TMEM181: variants seen among roughly 807,000 people sequenced by gnomAD.
The protein encoded by TMEM181 is G protein-coupled receptor 178.
In TMEM181, 39 loss-of-function variants were observed where a neutral mutation model predicts 71.9. That is an observed-to-expected ratio of 0.54 (90% CI 0.42 to 0.71). The LOEUF (loss-of-function observed/expected upper bound fraction) is 0.71, where lower values mean the gene tolerates loss of function less well. Among genes scored for constraint, TMEM181 ranks in the 30% least tolerant of loss-of-function variants. The pLI is 0.00. For missense variants in TMEM181, 595 were observed against 583.0 expected, an observed-to-expected ratio of 1.02 and a Z score of -0.21; for synonymous variants, 245 against 228.8, an observed-to-expected ratio of 1.07 and a Z score of -0.64.
chr6:158,539,076 T>C (rs1232549658), intron 1 of TMEM181, among the ~76,000 whole-genome samples: 1 of 152,218 alleles, frequency 6.6e-6, no homozygotes, highest in Non-Finnish European at 1.5e-5. Context: ...TGGCTGCCTG[T>C]ACTACAGCAA....
chr6:158,543,931 G>A (rs1048856159), intron 1 of TMEM181, among the ~76,000 whole-genome samples: 4 of 152,176 alleles, frequency 2.6e-5, no homozygotes, highest in African/African-American at 9.7e-5. Context: ...CGTAGCAGCC[G>A]AATGCTTGAT....
intron 1 of TMEM181, among the ~76,000 whole-genome samples, chr6:158,544,555 G>A (rs1781463546): frequency 1.3e-5 from 2 of 152,160 alleles, no homozygotes; most frequent in Non-Finnish European, 2.9e-5. Flanking sequence ...AGAAAGGGAC[G>A]GGGCGCTCAT....
At chr6:158,564,234 C>G (rs894121) in intron 1 of TMEM181, among the ~76,000 whole-genome samples, 92,084 of 152,136 alleles carry the variant, frequency 0.61, 28,563 homozygotes, top group East Asian at 0.76. Flanking sequence ...AGGGGCCAAA[C>G]AGTGAATGTG....
At chr6:158,561,252 C>T (rs1230108355) in intron 1 of TMEM181, among the ~76,000 whole-genome samples, 1 of 152,232 alleles carries the variant, frequency 6.6e-6, no homozygotes, top group African/African-American at 2.4e-5. Flanking sequence ...ATCTGTTTTT[C>T]CTTCTGCTTC....
chr6:158,613,919 T>A (rs141348603), intron 10 of TMEM181, among the ~76,000 whole-genome samples: 518 of 152,324 alleles, frequency 3.4e-3, no homozygotes, highest in African/African-American at 0.012. Flanking sequence ...ATTGGCAGTG[T>A]CCTGTTCGGA....
At position 158,550,344 on chromosome 6, in the gene TMEM181, C is replaced by T. The variant is rs1016080103; in HGVS notation, c.131+13479C>T. 4.0e-5 allele frequency among the ~76,000 whole-genome samples: 6 copies of T among 151,708 alleles called. No homozygotes were observed. The South Asian group carries it at 6.3e-4, about 16-fold the overall frequency. The stretch of plus-strand genomic sequence containing the variant: ...ACAGGCGTGAGCCACCACGCCCGGC[C>T]GAGACTTGTTTCTTAAAATGTATCT... On this transcript the variant is annotated intron_variant, in intron 1 of 16. Transcript: ENST00000367090.
chr6:158,614,699 A>G (rs190584540), intron 10 of TMEM181, among the ~76,000 whole-genome samples: 1 of 151,864 alleles, frequency 6.6e-6, no homozygotes, highest in African/African-American at 2.4e-5. Flanking sequence ...AAGTGTTCTC[A>G]TTGTTCATTT....
chr6:158,605,152 G>GTA (rs1443770260), intron 6 of TMEM181, 115 bp from the exon 7 acceptor site: 105 of 554,404 alleles, frequency 1.9e-4, no homozygotes, highest in Admixed American at 1.4e-4. Context: ...GTGTGTGTGT[G>GTA]TGTGTGTATG....
chr6:158,561,756 G>T (rs898835328), intron 1 of TMEM181, among the ~76,000 whole-genome samples: 1 of 152,220 alleles, frequency 6.6e-6, no homozygotes, highest in Admixed American at 6.5e-5. Context: ...TCCCCCTGCA[G>T]CTGTAAGCGC....
intron 14 of TMEM181, 48 bp from the exon 15 acceptor site, chr6:158,629,682 T>C (rs752633492): frequency 6.7e-7 from 1 of 1,484,742 alleles, no homozygotes. Context: ...AGGCAGAGCC[T>C]CTGACTGATG....
chr6:158,543,309 G>A lies in TMEM181; in HGVS notation c.131+6444G>A, dbSNP rs149296593. Among the ~76,000 whole-genome samples the A allele has an allele frequency of 2.3e-3, 344 of 152,350 alleles. 1 individual carries two copies. The highest frequency in any genetic ancestry group is 3.5e-3 in the Admixed American group (54 of 15,304). ...GTCATCATCCGGCTGGAAGGATGAC[G>A]CAGTTCTGGCAACTGAAAGACCATC... is the stretch of plus-strand genomic sequence containing the variant. On this transcript the variant is annotated intron_variant, in intron 1 of 16. Transcript: ENST00000367090.
chr6:158,624,447 C>T (rs1786153822), intron 11 of TMEM181, among the ~76,000 whole-genome samples: 1 of 152,230 alleles, frequency 6.6e-6, no homozygotes, highest in East Asian at 1.9e-4. Flanking sequence ...ATGGCGTGGG[C>T]CGGAGCCATC....
chr6:158,573,551 C>T (rs1782995525), intron 2 of TMEM181, 28 bp downstream of exon 2: 10 of 1,563,392 alleles, frequency 6.4e-6, no homozygotes, highest in Non-Finnish European at 8.7e-6. Flanking sequence ...CTCATTGAAT[C>T]TTTTGCCATG....
In TMEM181 at chr6:158,619,885, AAAAAGG is replaced by A. The variant is rs1402759593; in HGVS notation, c.897-3663_897-3658del. Among the ~76,000 whole-genome samples the A allele has an allele frequency of 4.2e-3, 438 of 104,860 alleles. 3 individuals carry two copies. The highest frequency in any genetic ancestry group is 0.016 in the African/African-American group (411 of 25,554). 68.8% of individuals were successfully genotyped at this position (104,860 alleles called of 152,430 possible). A position where few individuals can be genotyped will look rare whatever the true frequency, so the allele number is the denominator to read the frequency against. Reference sequence around the variant, plus strand: ...TCCGTCTCAAAAAAAAAAAAAAAAAAAAAAGGAGGATGTCATGAGGGGTGCAAGGTT... The same window carrying A: ...TCCGTCTCAAAAAAAAAAAAAAAAAAAGGATGTCATGAGGGGTGCAAGGTT... On this transcript the variant is annotated intron_variant, in intron 10 of 16. Transcript: ENST00000684151.
chr6:158,540,127 A>T (rs1781286652), intron 1 of TMEM181, among the ~76,000 whole-genome samples: 1 of 152,210 alleles, frequency 6.6e-6, no homozygotes, highest in African/African-American at 2.4e-5. Context: ...ATTCATATTC[A>T]TGGGGGAAGC....
At position 158,569,263 on chromosome 6, in the gene TMEM181, A is replaced by C. The variant is rs540483045; in HGVS notation, c.9-4157A>C. ...CCCATGATAGCCCTGCAGGCTGCAG[A>C]GGGTCCCAGGACCCTAGGCCCTCCA... On this transcript the variant is annotated intron_variant, in intron 1 of 16. Transcript: ENST00000684151. 7.4e-4 allele frequency among the ~76,000 whole-genome samples: 113 copies of C among 152,360 alleles called. 2 individuals are homozygous for C. Among genetic ancestry groups the C allele is most frequent in the East Asian group, 1.5e-3 (8 of 5,186 alleles).
intron 10 of TMEM181, chr6:158,610,654 C>A: frequency 3.4e-6 from 1 of 290,092 alleles, no homozygotes. Flanking sequence ...AGTGAGAATT[C>A]TGGGAGCTGC....
chr6:158,578,101 C>CA (rs1395461972), intron 2 of TMEM181, among the ~76,000 whole-genome samples: 6 of 151,856 alleles, frequency 4.0e-5, no homozygotes, highest in Admixed American at 6.6e-5. Flanking sequence ...AAAAAAAAGA[C>CA]AAAAAAACAA....
chr6:158,573,475 G>A lies in TMEM181; in HGVS notation c.64G>A (p.Val22Ile), dbSNP rs146748290. The A allele has an allele frequency of 2.2e-4, 357 of 1,606,504 alleles. 2 individuals are homozygous for A. The African/African-American group carries it at 3.2e-3, about 15-fold the overall frequency. Residue 22 changes from valine (V) to isoleucine (I), a missense_variant, in exon 2 of 17, where the codon GTC (valine) becomes ATC (isoleucine). Val to Ile is a conservative substitution (Grantham distance 29, BLOSUM62 3). Transcript: ENST00000684151. ...LSKRHFVLVFVVFFICFGLTI... is the reference protein window; with the variant it reads ...LSKRHFVLVFIVFFICFGLTI... Reference sequence around the variant, plus strand: ...CAAGCGCCACTTTGTCCTCGTGTTTGTCGTCTTCTTCATCTGCTTTGGCCT... The same window carrying A: ...CAAGCGCCACTTTGTCCTCGTGTTTATCGTCTTCTTCATCTGCTTTGGCCT...
Sources: gnomAD v4.1 joint callset for allele counts (sites outside exome capture counted in the v4.1 genomes callset) on GRCh38, gnomAD v4.1.1 for gene constraint, MANE v1.5 for transcripts, NCBI Gene and HGNC (gene_info 2026-07-23, HGNC 2026-07-21) for gene names.